SIPA1L2: variants seen among roughly 807,000 people sequenced by gnomAD.
SIPA1L2 encodes the protein signal induced proliferation associated 1 like 2.
A neutral mutation model predicts 163.9 loss-of-function variants in SIPA1L2; 56 were observed. The observed-to-expected ratio is 0.34, with a 90% CI of 0.28 to 0.43. The LOEUF is 0.43. Ranked by LOEUF, SIPA1L2 falls within the 20% of genes least tolerant of loss-of-function variation. SIPA1L2 has a pLI of 1.00. For missense variants in SIPA1L2, 1,974 were observed against 2,193.5 expected (o/e 0.90, Z 2.00); for synonymous variants, 877 against 865.7 (o/e 1.01, Z -0.23).
intron 1 of SIPA1L2, among the ~76,000 whole-genome samples, chr1:232,583,368 T>C (rs1381801589): frequency 2.0e-5 from 3 of 152,218 alleles, no homozygotes; most frequent in African/African-American, 7.2e-5. Flanking sequence ...AGTTTGCTTT[T>C]ACCATCTGCT....
chr1:232,533,712 C>G (rs1204587140), intron 2 of SIPA1L2, among the ~76,000 whole-genome samples: 1 of 152,182 alleles, frequency 6.6e-6, no homozygotes, highest in Non-Finnish European at 1.5e-5. Context: ...CTGCTAGACC[C>G]TTGATACACA....
intron 2 of SIPA1L2, among the ~76,000 whole-genome samples, chr1:232,524,313 T>A (rs1002881226): frequency 6.6e-6 from 1 of 152,144 alleles, no homozygotes; most frequent in Admixed American, 6.6e-5. Context: ...ATACCACTTC[T>A]GACCAAGCAA....
intron 1 of SIPA1L2, among the ~76,000 whole-genome samples, 196 bp downstream of exon 1, chr1:232,629,673 C>G (rs1663273586): frequency 6.6e-6 from 1 of 152,112 alleles, no homozygotes; most frequent in African/African-American, 2.4e-5. Flanking sequence ...ATCGGGAGCG[C>G]GGGCGCATCT....
In SIPA1L2 at chr1:232,445,511, A is replaced by C. The variant is rs1663160831; in HGVS notation, c.3353+18T>G. Reference sequence around the variant, plus strand: ...TGATTTACAAGGGCCCCCCTTGAGGAAACGGAACCAGCATTACCTCGTGCC... The same window carrying C: ...TGATTTACAAGGGCCCCCCTTGAGGCAACGGAACCAGCATTACCTCGTGCC... On this transcript the variant is annotated intron_variant, in intron 11 of 22. Coordinates refer to ENST00000674635, the MANE Select transcript of SIPA1L2 (RefSeq NM_020808.5). 33 of 1,613,132 alleles carry C rather than the reference A, an allele frequency of 2.0e-5. No individual in the cohort carries two copies. Among genetic ancestry groups the C allele is most frequent in the Non-Finnish European group, 2.8e-5 (33 of 1,179,716 alleles).
At chr1:232,424,657 C>T (rs1300008407) in intron 18 of SIPA1L2, among the ~76,000 whole-genome samples, 1 of 152,020 alleles carries the variant, frequency 6.6e-6, no homozygotes, top group Non-Finnish European at 1.5e-5. Context: ...TTATAACAGG[C>T]AGGTTATTAT....
At chr1:232,595,630 A>G (rs1661220360) in intron 1 of SIPA1L2, among the ~76,000 whole-genome samples, 1 of 152,160 alleles carries the variant, frequency 6.6e-6, no homozygotes, top group African/African-American at 2.4e-5. Context: ...TGCTCCCCCA[A>G]CCAAAGAGGA....
chr1:232,519,394 G>C (rs1207211437), intron 2 of SIPA1L2, among the ~76,000 whole-genome samples: 2 of 152,206 alleles, frequency 1.3e-5, no homozygotes, highest in African/African-American at 2.4e-5. Flanking sequence ...CATGCAGCCA[G>C]CTTCCTGGGG....
At chr1:232,427,498 C>T (rs1661970030) in intron 17 of SIPA1L2, among the ~76,000 whole-genome samples, 1 of 152,122 alleles carries the variant, frequency 6.6e-6, no homozygotes, top group Admixed American at 6.6e-5. Flanking sequence ...AGAGGGAGTG[C>T]TGGATTAGAA....
chr1:232,411,394 G>C (rs370952585), intron 19 of SIPA1L2, among the ~76,000 whole-genome samples: 14 of 152,274 alleles, frequency 9.2e-5, no homozygotes, highest in African/African-American at 2.4e-4. Context: ...CCTCTGCAGG[G>C]AGATGGCACA....
chr1:232,616,738 C>T (rs1248597225), intron 1 of SIPA1L2, among the ~76,000 whole-genome samples: 1 of 152,230 alleles, frequency 6.6e-6, no homozygotes, highest in South Asian at 2.1e-4. Context: ...GAAAAGTCTT[C>T]CCACCTTGAT....
chr1:232,420,829 C>T (rs544585903), intron 18 of SIPA1L2, among the ~76,000 whole-genome samples: 5 of 151,116 alleles, frequency 3.3e-5, no homozygotes, highest in South Asian at 2.1e-4. Context: ...AGTGAGACTC[C>T]GTCTCAAAAA....
chr1:232,442,918 G>A (rs1012163696), intron 12 of SIPA1L2, among the ~76,000 whole-genome samples: 2 of 152,148 alleles, frequency 1.3e-5, no homozygotes, highest in African/African-American at 4.8e-5. Context: ...GTGCACCTGC[G>A]GGAGCAGTGA....
intron 3 of SIPA1L2, among the ~76,000 whole-genome samples, chr1:232,500,518 G>A (rs1440671235): frequency 6.6e-6 from 1 of 152,130 alleles, no homozygotes; most frequent in Non-Finnish European, 1.5e-5. Flanking sequence ...TGACTCTGAG[G>A]GATTCAAGAG....
chr1:232,501,519 A>G (rs894193798), intron 3 of SIPA1L2, among the ~76,000 whole-genome samples: 2 of 152,154 alleles, frequency 1.3e-5, no homozygotes, highest in South Asian at 4.2e-4. Context: ...GTCTAGAAAT[A>G]TTGAGCCCAA....
chr1:232,479,526 C>G, intron 7 of SIPA1L2, 101 bp downstream of exon 7: 1 of 915,684 alleles, frequency 1.1e-6, no homozygotes, highest in Non-Finnish European at 1.8e-6. Flanking sequence ...AAGAAAAACC[C>G]TCACTGATTC....
intron 2 of SIPA1L2, among the ~76,000 whole-genome samples, chr1:232,565,520 G>A (rs1659350495): frequency 6.6e-6 from 1 of 152,232 alleles, no homozygotes; most frequent in Non-Finnish European, 1.5e-5. Flanking sequence ...AGCAAGAGGA[G>A]CTGCTTTATA....
chr1:232,478,983 T>C (rs1665182165), intron 7 of SIPA1L2, among the ~76,000 whole-genome samples: 1 of 152,234 alleles, frequency 6.6e-6, no homozygotes. Context: ...GCATTTCAAC[T>C]ATTTCTAGCG....
chr1:232,490,249 C>T lies in SIPA1L2; in HGVS notation c.1806+625G>A, dbSNP rs552705962. On this transcript the variant is annotated intron_variant, in intron 5 of 22. Coordinates refer to ENST00000674635, the MANE Select transcript of SIPA1L2 (RefSeq NM_020808.5). ...TTCCTAAAACAGCAACTACTCATGT[C>T]TCCCTCTTAGAATTCTATCCAAGTC... 5.8e-4 allele frequency among the ~76,000 whole-genome samples: 89 copies of T among 152,280 alleles called. 1 individual carries two copies. In the South Asian group the frequency reaches 0.017, roughly 29 times the overall value.
chr1:232,404,049 C>T, intron 20 of SIPA1L2, 76 bp downstream of exon 20: 1 of 1,527,030 alleles, frequency 6.5e-7, no homozygotes, highest in Non-Finnish European at 9.1e-7. Flanking sequence ...AATAACCATG[C>T]AGACGTGCAG....
Sources: allele counts gnomAD v4.1 joint callset (sites outside exome capture counted in the v4.1 genomes callset), GRCh38; gene constraint gnomAD v4.1.1; transcripts MANE v1.5; gene names NCBI Gene and HGNC (gene_info 2026-07-23, HGNC 2026-07-21).